ABCC6: variants seen among roughly 807,000 people sequenced by gnomAD.
ABCC6 encodes the protein ATP-binding cassette sub-family C member 6.
ABCC6 carries 126 observed loss-of-function variants against 169.5 expected under a neutral mutation model. The observed-to-expected ratio is 0.74, with a 90% CI of 0.64 to 0.86. ABCC6 has a LOEUF of 0.86. Ranked by LOEUF, ABCC6 falls within the 40% of genes least tolerant of loss-of-function variation. ABCC6 has a pLI of 0.00. For missense variants in ABCC6, 1,733 were observed against 1,927.2 expected, an observed-to-expected ratio of 0.90 and a Z score of 1.89; for synonymous variants, 752 against 814.7, an observed-to-expected ratio of 0.92 and a Z score of 1.31.
intron 21 of ABCC6, among the ~76,000 whole-genome samples, chr16:16,171,297 C>A (rs1239856484): frequency 6.6e-6 from 1 of 152,066 alleles, no homozygotes; most frequent in African/African-American, 2.4e-5. Context: ...TAGCTCACTG[C>A]AGCCTCGAAC....
At chr16:16,179,079 C>A (rs932617968) in intron 17 of ABCC6, 114 bp from the exon 18 acceptor site, 58 of 1,184,168 alleles carry the variant, frequency 4.9e-5, no homozygotes, top group Non-Finnish European at 6.8e-5. Flanking sequence ...TACAGCTCAA[C>A]ATGCCTATTC....
intron 23 of ABCC6, among the ~76,000 whole-genome samples, chr16:16,165,215 A>G (rs1028073724): frequency 9.9e-5 from 15 of 152,228 alleles, no homozygotes; most frequent in Non-Finnish European, 1.0e-4. Context: ...ATTCGAGACC[A>G]GCCTGGGCAA....
chr16:16,209,960 GC>G (rs1379671262), intron 6 of ABCC6, among the ~76,000 whole-genome samples: 3 of 150,718 alleles, frequency 2.0e-5, no homozygotes, highest in African/African-American at 7.3e-5. Flanking sequence ...CGAACTCCCG[GC>G]CTCAAGTGAT....
rs1394255903 is a variant in ABCC6 at position 16,161,353 on chromosome 16, G to C, written c.3633+85C>G. 17 of 1,595,008 alleles carry C rather than the reference G, an allele frequency of 1.1e-5. No homozygotes were observed. The African/African-American group carries it at 1.5e-4, about 14-fold the overall frequency. On this transcript the variant is annotated intron_variant, in intron 25 of 30. Coordinates refer to ENST00000205557, the MANE Select transcript of ABCC6 (RefSeq NM_001171.6). ...ACACACCATGTTGGTTTGGACACAG[G>C]GTCTTCAAAGGTCCCACTAGCAGGG...
At chr16:16,188,790 G>T (rs577029995) in intron 13 of ABCC6, 41 bp downstream of exon 13, 4 of 1,598,962 alleles carry the variant, frequency 2.5e-6, no homozygotes, top group Admixed American at 1.7e-5. Flanking sequence ...TGTAGCCCAC[G>T]CACTCTCCCA....
chr16:16,195,191 C>T (rs1007501142), intron 10 of ABCC6, among the ~76,000 whole-genome samples: 8 of 152,060 alleles, frequency 5.3e-5, no homozygotes, highest in African/African-American at 1.9e-4. Flanking sequence ...GTCCACTCCT[C>T]CTTCACCAAG....
At chr16:16,194,680 A>G (rs1462101225) in intron 10 of ABCC6, among the ~76,000 whole-genome samples, 1 of 151,820 alleles carries the variant, frequency 6.6e-6, no homozygotes, top group Admixed American at 6.6e-5. Context: ...CACTATGTTT[A>G]TTTATTTATT....
Position 16,190,308 on chromosome 16 carries a change from G to T in ABCC6, c.1491C>A (p.Asn497Lys), listed in dbSNP as rs72653770. ...AGCCATGGAACTTGATGGTCTTCGA[G>T]TTCCTGAGGATAGAGCTGGTGAGCC... ...RARLTSSILRNSKTIKFHGWE... is the reference protein window; with the variant it reads ...RARLTSSILRKSKTIKFHGWE... The change falls in exon 12 of 31, where the codon AAC (asparagine) becomes AAA (lysine). Residue 497 changes from asparagine (N) to lysine (K), a missense_variant. Physicochemically the swap from Asn to Lys is moderately conservative, Grantham distance 94. Coordinates refer to ENST00000205557, the MANE Select transcript of ABCC6 (RefSeq NM_001171.6). 3.7e-6 allele frequency: 6 copies of T among 1,614,056 alleles called. No individual in the cohort carries two copies. In the African/African-American group the frequency reaches 4.0e-5, roughly 11 times the overall value.
At chr16:16,202,563 A>G (rs977187199) in intron 8 of ABCC6, among the ~76,000 whole-genome samples, 3 of 124,184 alleles carry the variant, frequency 2.4e-5, no homozygotes, top group African/African-American at 8.8e-5. Context: ...CCCTAATCCA[A>G]TCTGATGGGG....
At chr16:16,152,401 A>T (rs2046412539) in intron 29 of ABCC6, among the ~76,000 whole-genome samples, 2 of 151,806 alleles carry the variant, frequency 1.3e-5, no homozygotes, top group Non-Finnish European at 2.9e-5. Context: ...CTTTTACATG[A>T]TCAGAACCTA....
intron 22 of ABCC6, among the ~76,000 whole-genome samples, chr16:16,169,094 CAAATAAAT>C (rs778840220): frequency 2.0e-5 from 3 of 151,940 alleles, no homozygotes; most frequent in Non-Finnish European, 4.4e-5. Context: ...ATAAAATAAA[CAAATAAAT>C]AAATAAATAA....
chr16:16,213,116 G>A (rs1358141380), intron 5 of ABCC6, among the ~76,000 whole-genome samples: 2 of 142,552 alleles, frequency 1.4e-5, no homozygotes, highest in South Asian at 2.2e-4. Context: ...ACAGGGTCTC[G>A]CTCTGTCACC....
chr16:16,198,103 C>T lies in ABCC6; in HGVS notation c.1256G>A (p.Arg419Gln), dbSNP rs772434460. 3.4e-5 allele frequency: 55 copies of T among 1,613,362 alleles called. No homozygotes were observed. The East Asian group carries it at 9.6e-4, about 28-fold the overall frequency. The change falls in exon 10 of 31, where the codon CGG (arginine) becomes CAG (glutamine). Residue 419 changes from arginine (R) to glutamine (Q), a missense_variant. Coordinates refer to ENST00000205557, the MANE Select transcript of ABCC6 (RefSeq NM_001171.6). ...VVNLVSVDVQRLTESVLYLNG... is the reference protein window; with the variant it reads ...VVNLVSVDVQQLTESVLYLNG... ...GAGGTAGAGGACGCTCTCGGTCAGC[C>T]GCTGCACGTCCACGGACACCAGATT...
At chr16:16,154,513 A>G in intron 29 of ABCC6, 115 bp downstream of exon 29, 1 of 1,312,730 alleles carries the variant, frequency 7.6e-7, no homozygotes, top group Non-Finnish European at 1.1e-6. Flanking sequence ...GTGGTTATTA[A>G]TGTAACAGAG....
At chr16:16,176,982 A>C (rs563415113) in intron 19 of ABCC6, among the ~76,000 whole-genome samples, 13 of 152,300 alleles carry the variant, frequency 8.5e-5, no homozygotes, top group African/African-American at 3.1e-4. Context: ...TGTATCCAGC[A>C]CACTGTTTTT....
intron 19 of ABCC6, among the ~76,000 whole-genome samples, chr16:16,176,996 G>A (rs971773934): frequency 4.6e-5 from 7 of 152,114 alleles, no homozygotes; most frequent in African/African-American, 1.7e-4. Context: ...TGTTTTTCTG[G>A]ATTATTAGAA....
At chr16:16,202,621 C>T (rs1432345497) in intron 8 of ABCC6, among the ~76,000 whole-genome samples, 2 of 151,658 alleles carry the variant, frequency 1.3e-5, no homozygotes, top group Non-Finnish European at 2.9e-5. Context: ...CACCAGGGGG[C>T]GCAAACAGAG....
chr16:16,220,758 G>T (rs1476020104), intron 2 of ABCC6, among the ~76,000 whole-genome samples: 3 of 151,886 alleles, frequency 2.0e-5, no homozygotes, highest in Non-Finnish European at 4.4e-5. Context: ...ATAGCGAGGT[G>T]TGGGGGTGGG....
chr16:16,162,490 G>A (rs1404329556), intron 24 of ABCC6, among the ~76,000 whole-genome samples: 3 of 152,174 alleles, frequency 2.0e-5, no homozygotes, highest in East Asian at 1.9e-4. Flanking sequence ...ACAGTGCCAG[G>A]CATGCAGTAA....
Sources: allele counts gnomAD v4.1 joint callset (sites outside exome capture counted in the v4.1 genomes callset), GRCh38; gene constraint gnomAD v4.1.1; transcripts MANE v1.5; gene names NCBI Gene and HGNC (gene_info 2026-07-23, HGNC 2026-07-21).